CHST15: variants seen among roughly 807,000 people sequenced by gnomAD.
CHST15 encodes the protein carbohydrate sulfotransferase 15.
CHST15 carries 30 observed loss-of-function variants against 53.6 expected under a neutral mutation model. The observed-to-expected ratio is 0.56, with a 90% CI of 0.42 to 0.76. CHST15 has a LOEUF of 0.76. Ranked by LOEUF, CHST15 falls within the 30% of genes least tolerant of loss-of-function variation. The pLI is 0.00. For synonymous variants in CHST15, 296 were observed against 289.8 expected, an observed-to-expected ratio of 1.02 and a Z score of -0.22; for missense variants, 627 against 740.5, an observed-to-expected ratio of 0.85 and a Z score of 1.78.
chr10:124,057,327 C>A (rs576549224), intron 1 of CHST15, among the ~76,000 whole-genome samples: 4 of 152,188 alleles, frequency 2.6e-5, no homozygotes, highest in East Asian at 1.9e-4. Context: ...GACTAGCCGG[C>A]GCAGCGCTTG....
intron 1 of CHST15, among the ~76,000 whole-genome samples, chr10:124,088,102 G>A (rs1046730410): frequency 6.6e-6 from 1 of 152,236 alleles, no homozygotes; most frequent in Non-Finnish European, 1.5e-5. Context: ...TATCACCCGA[G>A]CCAGTGTTTA....
At position 124,018,139 on chromosome 10, in the gene CHST15, T is replaced by G. The variant is rs1946650423; in HGVS notation, c.1347+3117A>C. Among the ~76,000 whole-genome samples the G allele has an allele frequency of 2.0e-5, 3 of 152,248 alleles. No homozygotes were observed. In the South Asian group the frequency reaches 6.2e-4, roughly 31 times the overall value. ...GGACAACACTCCTATTTGGTTCCTC[T>G]TGGATTTTCCTTGGACTTTTCCCTC... On this transcript the variant is annotated intron_variant, in intron 6 of 7. Transcript: ENST00000435907.
chr10:124,065,578 G>A (rs7904683), intron 1 of CHST15, among the ~76,000 whole-genome samples: 11,260 of 152,064 alleles, frequency 0.074, 1,017 homozygotes, highest in East Asian at 0.21. Flanking sequence ...CACCCACAGA[G>A]AGCTACTCCC....
At position 124,028,402 on chromosome 10, in the gene CHST15, C is replaced by T. The variant is rs192758473; in HGVS notation, c.1191-6990G>A. On this transcript the variant is annotated intron_variant, in intron 5 of 7. Transcript: ENST00000435907. ...TCCAAGGCCACTAGTTTGGGAAAAC[C>T]TCTCCCCATAGTGGGTTCCTCCTCC... Among the ~76,000 whole-genome samples, 245 of 152,360 alleles carry T rather than the reference C, an allele frequency of 1.6e-3. 1 individual carries two copies. The highest frequency in any genetic ancestry group is 5.7e-3 in the African/African-American group (237 of 41,588).
chr10:124,039,142 T>C (rs1947639536), intron 4 of CHST15, among the ~76,000 whole-genome samples: 1 of 152,240 alleles, frequency 6.6e-6, no homozygotes, highest in Non-Finnish European at 1.5e-5. Flanking sequence ...ATGGTTTTCC[T>C]GTATAGTATT....
At chr10:124,010,389 T>C in intron 7 of CHST15, 50 bp from the exon 8 acceptor site, 1 of 1,483,606 alleles carries the variant, frequency 6.7e-7, no homozygotes, top group East Asian at 2.4e-5. Context: ...TGGCAGGAAG[T>C]AAAAGGGACT....
rs570064126 is a variant in CHST15, at chr10:124,038,887, C to G, written c.1034-216G>C. On this transcript the variant is annotated intron_variant, in intron 4 of 7. Transcript: ENST00000435907. The stretch of plus-strand genomic sequence containing the variant: ...CACCCCACCTCCACCCCAAAAACTT[C>G]TGTCTGGAAGTCCAGGCGATCCATG... Among the ~76,000 whole-genome samples, 192 of 152,030 alleles carry G rather than the reference C, an allele frequency of 1.3e-3. 1 individual carries two copies. Among genetic ancestry groups the G allele is most frequent in the African/African-American group, 4.3e-3 (179 of 41,462 alleles).
chr10:124,009,100 A>G lies in CHST15; in HGVS notation c.*1049T>C. ...CACGCAGTGGAGAATGTGGAAATAAACTATTTCCAATGGGAAGGCAGAGAA... is the reference window on the plus strand; with the variant it reads ...CACGCAGTGGAGAATGTGGAAATAAGCTATTTCCAATGGGAAGGCAGAGAA... On this transcript the variant is annotated 3_prime_UTR_variant, in exon 8 of 8. Transcript: ENST00000435907. 7.9e-7 allele frequency: 1 copy of G among 1,263,270 alleles called. No individual in the cohort carries two copies. The highest frequency in any genetic ancestry group is 1.0e-6 in the Non-Finnish European group (1 of 968,258). The allele number at this position is 1,263,270 out of a possible 1,614,324, so 78.3% of individuals were successfully genotyped here.
intron 1 of CHST15, among the ~76,000 whole-genome samples, chr10:124,075,138 T>C (rs1476857094): frequency 6.6e-6 from 1 of 152,242 alleles, no homozygotes; most frequent in Non-Finnish European, 1.5e-5. Context: ...TGACTGTGGA[T>C]AGCTTAATGG....
intron 1 of CHST15, among the ~76,000 whole-genome samples, chr10:124,089,397 A>C (rs1949534733): frequency 6.6e-6 from 1 of 152,212 alleles, no homozygotes. Flanking sequence ...AGGCCCTAGG[A>C]ACGGGGACAG....
At chr10:124,088,420 G>A (rs928825263) in intron 1 of CHST15, among the ~76,000 whole-genome samples, 2 of 152,224 alleles carry the variant, frequency 1.3e-5, no homozygotes, top group Non-Finnish European at 2.9e-5. Flanking sequence ...AGGTCCTGCT[G>A]CAGACAGCCT....
chr10:124,011,764 A>C (rs1278863380), intron 7 of CHST15: 5 of 984,984 alleles, frequency 5.1e-6, no homozygotes, highest in Non-Finnish European at 6.0e-6. Flanking sequence ...GGGGCCCAGC[A>C]TCCATGATCA....
At chr10:124,026,967 T>C (rs1947034459) in intron 5 of CHST15, among the ~76,000 whole-genome samples, 1 of 152,036 alleles carries the variant, frequency 6.6e-6, no homozygotes, top group African/African-American at 2.4e-5. Context: ...CAGGATAGCG[T>C]GGGGGCCAGG....
At position 124,074,198 on chromosome 10, in the gene CHST15, T is replaced by C. The variant is rs28379249; in HGVS notation, c.-513+19271A>G. Reference sequence around the variant, plus strand: ...CCCTCCCAAGATCTTTCCACTTCATTTCTGCAGGGCCAGTGCCCCCCGGCT... The same window carrying C: ...CCCTCCCAAGATCTTTCCACTTCATCTCTGCAGGGCCAGTGCCCCCCGGCT... On this transcript the variant is annotated intron_variant, in intron 1 of 7. Coordinates refer to ENST00000435907, the MANE Select transcript of CHST15 (RefSeq NM_001270764.2). The surrounding 1 kb of genome is among the most constrained non-coding windows in gnomAD (Gnocchi z 4.4). Among the ~76,000 whole-genome samples, 105,665 of 152,166 alleles carry C rather than the reference T, an allele frequency of 0.69. 37,033 individuals are homozygous for C. The highest frequency in any genetic ancestry group is 0.78 in the African/African-American group (32,455 of 41,526).
intron 1 of CHST15, among the ~76,000 whole-genome samples, chr10:124,072,430 AAAC>A (rs1412530443): frequency 6.6e-6 from 1 of 152,170 alleles, no homozygotes; most frequent in Non-Finnish European, 1.5e-5. Flanking sequence ...TCATCACACC[AAAC>A]AACAGCTTTT....
At chr10:124,045,457 G>A (rs1285679368) in intron 2 of CHST15, among the ~76,000 whole-genome samples, 3 of 152,170 alleles carry the variant, frequency 2.0e-5, no homozygotes, top group African/African-American at 7.2e-5. Flanking sequence ...CAGCGTTCAG[G>A]ACAGCAGATT....
intron 6 of CHST15, chr10:124,020,047 C>A: frequency 1.0e-6 from 1 of 985,882 alleles, no homozygotes; most frequent in South Asian, 4.7e-5. Flanking sequence ...GAGCTCCCTG[C>A]CCAGCCTCCA....
At chr10:124,067,293 C>A (rs1030030323) in intron 1 of CHST15, among the ~76,000 whole-genome samples, 10 of 152,264 alleles carry the variant, frequency 6.6e-5, no homozygotes, top group Non-Finnish European at 1.5e-4. Flanking sequence ...GCATCTACTG[C>A]ACTTATTCAG....
intron 1 of CHST15, among the ~76,000 whole-genome samples, chr10:124,081,264 T>C (rs1273762718): frequency 6.6e-6 from 1 of 152,214 alleles, no homozygotes; most frequent in Non-Finnish European, 1.5e-5. Flanking sequence ...GAAATTCTCA[T>C]TAGAAGAATG....
Sources: gnomAD v4.1 joint callset for allele counts (sites outside exome capture counted in the v4.1 genomes callset) on GRCh38, gnomAD v4.1.1 for gene constraint, Gnocchi (gnomAD v3.1) non-coding constraint, MANE v1.5 for transcripts, NCBI Gene and HGNC (gene_info 2026-07-23, HGNC 2026-07-21) for gene names.